Variants in SEMA5B observed in about 807,000 individuals in gnomAD.
SEMA5B encodes the protein semaphorin-5B.
In SEMA5B, 66 loss-of-function variants were observed where a neutral mutation model predicts 135.0. The ratio of observed to expected loss-of-function variants is 0.49; its 90% CI spans 0.40 to 0.60. SEMA5B has a LOEUF of 0.60. SEMA5B is among the 20% of genes least tolerant of loss of function. The pLI, the probability that SEMA5B is intolerant of heterozygous loss-of-function variation, is 0.00. For synonymous variants in SEMA5B, 690 were observed against 639.5 expected (o/e 1.08, Z -1.19); for missense variants, 1,501 against 1,566.3 (o/e 0.96, Z 0.70).
chr3:122,940,343 A>G (rs1395052257), intron 4 of SEMA5B, among the ~76,000 whole-genome samples: 2 of 152,210 alleles, frequency 1.3e-5, no homozygotes, highest in Non-Finnish European at 2.9e-5. Context: ...TGAGAGTCTC[A>G]GTGCCTGCAT....
intron 1 of SEMA5B, among the ~76,000 whole-genome samples, chr3:122,983,428 T>C (rs540878484): frequency 2.6e-5 from 4 of 151,942 alleles, no homozygotes; most frequent in Non-Finnish European, 5.9e-5. Flanking sequence ...CCTCACCTTG[T>C]GCACAATAAA....
chr3:122,910,218 G>T lies in SEMA5B; in HGVS notation c.3381C>A (p.Tyr1127Ter). The change falls in exon 23 of 23, where the codon TAC (tyrosine) becomes TAA (stop). Residue 1127 changes from tyrosine to a stop codon, truncating the protein, a stop_gained. Transcript: ENST00000357599. LOFTEE classifies it high-confidence loss of function. ...TGTGTTTGTTCAGGGGGCTTGGGTA[G>T]TAAGTAGTCGTGTACACATTGGTCT... Reference protein sequence around the residue: ...LQQTNVYTTTYYPSPLNKHSF... With the variant: ...LQQTNVYTTT The T allele has an allele frequency of 1.2e-6, 2 of 1,614,252 alleles. No homozygotes were observed. Among genetic ancestry groups the T allele is most frequent in the Non-Finnish European group, 1.7e-6 (2 of 1,180,042 alleles).
intron 1 of SEMA5B, among the ~76,000 whole-genome samples, chr3:123,015,516 G>A (rs1326740224): frequency 6.6e-6 from 1 of 152,132 alleles, no homozygotes; most frequent in Non-Finnish European, 1.5e-5. Flanking sequence ...AGAGTCCTAT[G>A]CCCAGAGATG....
chr3:123,007,326 C>G (rs1014063179), intron 1 of SEMA5B, among the ~76,000 whole-genome samples: 3 of 152,140 alleles, frequency 2.0e-5, no homozygotes, highest in African/African-American at 7.2e-5. Flanking sequence ...TAGGGTAGAT[C>G]ACAGGGAAGC....
At chr3:123,004,033 G>A (rs558159355) in intron 1 of SEMA5B, among the ~76,000 whole-genome samples, 2 of 152,102 alleles carry the variant, frequency 1.3e-5, no homozygotes, top group Non-Finnish European at 2.9e-5. Context: ...AGTCAAAATT[G>A]TGTCATGTAT....
intron 4 of SEMA5B, among the ~76,000 whole-genome samples, chr3:122,940,973 C>G (rs1939531189): frequency 6.6e-6 from 1 of 152,162 alleles, no homozygotes; most frequent in African/African-American, 2.4e-5. Context: ...CATTTTTATC[C>G]CATCAAAAAT....
At chr3:122,952,154 G>A (rs770154765) in intron 2 of SEMA5B, among the ~76,000 whole-genome samples, 1 of 152,166 alleles carries the variant, frequency 6.6e-6, no homozygotes, top group Non-Finnish European at 1.5e-5. Flanking sequence ...ATTCCTCTTA[G>A]CAGAGACCCT....
chr3:122,973,995 C>T (rs1465316938), intron 1 of SEMA5B, among the ~76,000 whole-genome samples: 1 of 152,198 alleles, frequency 6.6e-6, no homozygotes, highest in East Asian at 1.9e-4. Context: ...AGCCTCGGGC[C>T]GTCTAGGAGC....
intron 1 of SEMA5B, among the ~76,000 whole-genome samples, chr3:122,979,223 G>A (rs753764581): frequency 1.3e-5 from 2 of 152,196 alleles, no homozygotes; most frequent in Admixed American, 6.5e-5. Context: ...CAAGGTGAAC[G>A]TGGACAGTGG....
At chr3:122,932,870 C>T (rs1939051350) in intron 5 of SEMA5B, among the ~76,000 whole-genome samples, 1 of 152,154 alleles carries the variant, frequency 6.6e-6, no homozygotes. Context: ...AAGTGCACAC[C>T]ACCACACTTG....
chr3:122,911,669 T>C (rs1576325433), intron 20 of SEMA5B, 134 bp from the exon 21 acceptor site: 2 of 1,010,600 alleles, frequency 2.0e-6, no homozygotes, highest in East Asian at 2.6e-5. Context: ...GGGGCCTTCA[T>C]TCCCCTCCCT....
At position 122,968,625 on chromosome 3, in the gene SEMA5B, A is replaced by C. The variant is rs528845415; in HGVS notation, c.-38-7324T>G. On this transcript the variant is annotated intron_variant, in intron 1 of 22. Coordinates refer to ENST00000357599, the MANE Select transcript of SEMA5B (RefSeq NM_001031702.4). ...ATGAAAGGGCAGTGGAAATCAGGTC[A>C]GTTTGGATCTTCCTATGGTTAATAA... Among the ~76,000 whole-genome samples, 432 of 152,260 alleles carry C rather than the reference A, an allele frequency of 2.8e-3. 3 individuals are homozygous for C. Among genetic ancestry groups the C allele is most frequent in the African/African-American group, 9.6e-3 (399 of 41,552 alleles).
intron 1 of SEMA5B, among the ~76,000 whole-genome samples, chr3:122,989,751 C>T (rs985745592): frequency 3.9e-5 from 6 of 152,174 alleles, no homozygotes; most frequent in African/African-American, 7.2e-5. Flanking sequence ...GCCTGTCTGG[C>T]GAGATTTCTC....
At chr3:123,013,299 C>T (rs1942478794) in intron 1 of SEMA5B, among the ~76,000 whole-genome samples, 1 of 152,180 alleles carries the variant, frequency 6.6e-6, no homozygotes, top group African/African-American at 2.4e-5. Context: ...TGTAAGCTCT[C>T]AGGAAACCAG....
intron 2 of SEMA5B, among the ~76,000 whole-genome samples, chr3:122,957,187 T>C (rs1940362178): frequency 6.6e-6 from 1 of 152,178 alleles, no homozygotes; most frequent in African/African-American, 2.4e-5. Flanking sequence ...AGTAGAAAGA[T>C]GTGGTCAGAT....
At chr3:122,999,461 G>A (rs1942115343) in intron 1 of SEMA5B, among the ~76,000 whole-genome samples, 1 of 152,128 alleles carries the variant, frequency 6.6e-6, no homozygotes, top group Admixed American at 6.5e-5. Context: ...CCTACCGCAG[G>A]TGATCCACCC....
intron 1 of SEMA5B, among the ~76,000 whole-genome samples, chr3:122,991,006 C>T (rs6769548): frequency 0.2 from 30,980 of 152,116 alleles, 5,215 homozygotes; most frequent in African/African-American, 0.47. Context: ...ACACATGCTC[C>T]GGATGCTAAA....
intron 1 of SEMA5B, among the ~76,000 whole-genome samples, chr3:123,010,378 T>C (rs554891779): frequency 3.9e-5 from 6 of 152,284 alleles, no homozygotes; most frequent in Middle Eastern, 6.8e-3. Flanking sequence ...AACTTAGTAA[T>C]TGTAAGAATT....
intron 9 of SEMA5B, among the ~76,000 whole-genome samples, chr3:122,925,868 G>A (rs1323202817): frequency 1.3e-5 from 2 of 151,846 alleles, no homozygotes; most frequent in Non-Finnish European, 2.9e-5. Context: ...GGGGGTGGGA[G>A]GAGGGTCCCA....
Sources: gnomAD v4.1 joint callset for allele counts (sites outside exome capture counted in the v4.1 genomes callset) on GRCh38, gnomAD v4.1.1 for gene constraint, MANE v1.5 for transcripts, NCBI Gene and HGNC (gene_info 2026-07-23, HGNC 2026-07-21) for gene names.